ARID1B: variants seen among roughly 807,000 people sequenced by gnomAD.
The protein encoded by ARID1B is AT-rich interaction domain 1B, also known as AT-rich interactive domain-containing protein 1B.
In ARID1B, 30 loss-of-function variants were observed where a neutral mutation model predicts 212.3. The ratio of observed to expected loss-of-function variants is 0.14; its 90% CI spans 0.11 to 0.19. The LOEUF (loss-of-function observed/expected upper bound fraction) is 0.19, where lower values mean the gene tolerates loss of function less well. ARID1B is among the 10% of genes least tolerant of loss of function. The pLI is 1.00. For synonymous variants in ARID1B, 1,402 were observed against 1,301.7 expected (o/e 1.08, Z -1.66); for missense variants, 2,891 against 3,204.0 (o/e 0.90, Z 2.36).
chr6:157,150,864 A>G (rs1312095033), intron 8 of ARID1B: 2 of 179,202 alleles, frequency 1.1e-5, no homozygotes, highest in Admixed American at 1.3e-4. Context: ...GTAGGTAGCA[A>G]CACACCCCGA....
chr6:156,862,697 G>A (rs1785417484), intron 2 of ARID1B, among the ~76,000 whole-genome samples: 1 of 152,178 alleles, frequency 6.6e-6, no homozygotes, highest in Non-Finnish European at 1.5e-5. Flanking sequence ...GGAGGAGGCG[G>A]TAGATGTGGA....
chr6:156,808,871 A>G (rs754075859), intron 1 of ARID1B, among the ~76,000 whole-genome samples: 1 of 152,196 alleles, frequency 6.6e-6, no homozygotes, highest in Non-Finnish European at 1.5e-5. Context: ...AAACAGTGTT[A>G]AGGATTTGTA....
At chr6:156,795,872 C>T (rs2115265388) in intron 1 of ARID1B, among the ~76,000 whole-genome samples, 1 of 151,724 alleles carries the variant, frequency 6.6e-6, no homozygotes, top group Non-Finnish European at 1.5e-5. Flanking sequence ...CATCTCACAG[C>T]TTTTTAAAAA....
At chr6:157,056,157 G>C (rs1370171700) in intron 4 of ARID1B, among the ~76,000 whole-genome samples, 1 of 152,146 alleles carries the variant, frequency 6.6e-6, no homozygotes, top group African/African-American at 2.4e-5. Flanking sequence ...CTCATACTTA[G>C]GGTCAGGCAT....
intron 4 of ARID1B, chr6:156,985,156 G>C (rs1371636390): frequency 6.6e-6 from 1 of 152,212 alleles, no homozygotes; most frequent in Non-Finnish European, 1.5e-5. Flanking sequence ...CTTAAGGTCA[G>C]CTACATTTTT....
chr6:157,157,892 G>A (rs544124458), intron 8 of ARID1B, among the ~76,000 whole-genome samples: 10 of 152,284 alleles, frequency 6.6e-5, no homozygotes, highest in Admixed American at 2.6e-4. Flanking sequence ...GCATGGTAGC[G>A]CACACCTCTA....
intron 3 of ARID1B, among the ~76,000 whole-genome samples, chr6:156,907,431 G>A (rs973238020): frequency 6.6e-6 from 1 of 152,114 alleles, no homozygotes; most frequent in Non-Finnish European, 1.5e-5. Flanking sequence ...TACCTTTTAA[G>A]TATCAAATGA....
chr6:156,880,259 G>A (rs1786934313), intron 2 of ARID1B, among the ~76,000 whole-genome samples: 1 of 152,184 alleles, frequency 6.6e-6, no homozygotes, highest in African/African-American at 2.4e-5. Context: ...TGGAATGCTG[G>A]TAGTGAAAGG....
At chr6:157,122,065 G>A (rs1348916381) in intron 6 of ARID1B, among the ~76,000 whole-genome samples, 1 of 152,188 alleles carries the variant, frequency 6.6e-6, no homozygotes, top group Non-Finnish European at 1.5e-5. Flanking sequence ...AGAAATGCTA[G>A]TTTGTTTACC....
At chr6:157,006,976 A>G (rs1583130396) in intron 4 of ARID1B, among the ~76,000 whole-genome samples, 2 of 152,368 alleles carry the variant, frequency 1.3e-5, no homozygotes, top group South Asian at 2.1e-4. Flanking sequence ...CAGACACGCA[A>G]AGTTTATCAG....
chr6:156,909,671 A>G lies in ARID1B; in HGVS notation c.2136+8146A>G, dbSNP rs561233724. 4.7e-4 allele frequency among the ~76,000 whole-genome samples: 72 copies of G among 152,258 alleles called. 1 individual carries two copies. The highest frequency in any genetic ancestry group is 3.4e-3 in the Middle Eastern group (1 of 294). ...TTGACCTCTTGAAAAACCTGGGTCA[A>G]CTGTCCTGTGGAATGGCTTTATCTG... On this transcript the variant is annotated intron_variant, in intron 3 of 19. Transcript: ENST00000636930.
intron 5 of ARID1B, 73 bp downstream of exon 5, chr6:157,084,978 A>C (rs2128464008): frequency 4.6e-6 from 7 of 1,508,852 alleles, no homozygotes; most frequent in Non-Finnish European, 6.2e-6. Context: ...ACAGTAACTC[A>C]CATTACTTTA....
At position 157,206,661 on chromosome 6, in the gene ARID1B, T is replaced by C; in HGVS notation, c.5889T>C (p.Ile1963=). Residue 1963 remains isoleucine, a synonymous_variant, in exon 20 of 20, where the codon ATT becomes ATC. Coordinates refer to ENST00000636930, the MANE Select transcript of ARID1B (RefSeq NM_001374828.1). The surrounding 1 kb of genome is among the most constrained non-coding windows in gnomAD (Gnocchi z 6.8). ...IQTHFESKME[I]PPRRRPPPPL... ...CTCACTTTGAGAGCAAGATGGAAATTCCTCCTCGCAGGCGCCCACCTCCCC... is the reference window on the plus strand; with the variant it reads ...CTCACTTTGAGAGCAAGATGGAAATCCCTCCTCGCAGGCGCCCACCTCCCC... The C allele has an allele frequency of 6.2e-7, 1 of 1,612,398 alleles. No individual in the cohort carries two copies. Among genetic ancestry groups the C allele is most frequent in the Non-Finnish European group, 8.5e-7 (1 of 1,179,776 alleles).
intron 2 of ARID1B, among the ~76,000 whole-genome samples, chr6:156,873,169 G>A (rs1786284155): frequency 1.3e-5 from 2 of 152,192 alleles, no homozygotes; most frequent in African/African-American, 4.8e-5. Context: ...ATAAACAGAA[G>A]GCTCTTAGAG....
chr6:156,965,850 T>C (rs1235064741), intron 4 of ARID1B, among the ~76,000 whole-genome samples: 1 of 152,242 alleles, frequency 6.6e-6, no homozygotes, highest in East Asian at 1.9e-4. Context: ...TAATCATTAA[T>C]AAATTCTGAG....
At chr6:156,908,802 CAG>C (rs1789619305) in intron 3 of ARID1B, among the ~76,000 whole-genome samples, 1 of 151,914 alleles carries the variant, frequency 6.6e-6, no homozygotes, top group African/African-American at 2.4e-5. Flanking sequence ...TCTGTTTCCT[CAG>C]AAGGATTGAT....
At chr6:156,985,986 G>A (rs1335877804) in intron 4 of ARID1B, among the ~76,000 whole-genome samples, 1 of 152,188 alleles carries the variant, frequency 6.6e-6, no homozygotes, top group Non-Finnish European at 1.5e-5. Flanking sequence ...GTAATTTTCA[G>A]TAAAAGTATT....
chr6:157,144,136 G>C (rs1213305938), intron 7 of ARID1B, among the ~76,000 whole-genome samples: 1 of 152,218 alleles, frequency 6.6e-6, no homozygotes, highest in Non-Finnish European at 1.5e-5. Context: ...GTAGGGTACA[G>C]AGTAACTTAA....
At chr6:156,862,064 G>A (rs530223797) in intron 2 of ARID1B, among the ~76,000 whole-genome samples, 7 of 152,218 alleles carry the variant, frequency 4.6e-5, no homozygotes, top group Non-Finnish European at 1.0e-4. Context: ...AGACAGTGAC[G>A]TTGCTTTTGA....
Sources: gnomAD v4.1 joint callset for allele counts (sites outside exome capture counted in the v4.1 genomes callset) on GRCh38, gnomAD v4.1.1 for gene constraint, Gnocchi (gnomAD v3.1) non-coding constraint, MANE v1.5 for transcripts, NCBI Gene and HGNC (gene_info 2026-07-23, HGNC 2026-07-21) for gene names.